The following PRICKLE1 variants were observed in gnomAD, a reference collection of about 807,000 sequenced individuals.
PRICKLE1 encodes prickle-like protein 1.
In PRICKLE1, 14 loss-of-function variants were observed where a neutral mutation model predicts 70.2. The ratio of observed to expected loss-of-function variants is 0.20; its 90% CI spans 0.13 to 0.31. The LOEUF is 0.31. Among genes scored for constraint, PRICKLE1 ranks in the 10% least tolerant of loss-of-function variants. The pLI is 1.00. For synonymous variants in PRICKLE1, 357 were observed against 379.9 expected, an observed-to-expected ratio of 0.94 and a Z score of 0.70; for missense variants, 821 against 1,026.2, an observed-to-expected ratio of 0.80 and a Z score of 2.73.
At chr12:42,554,048 G>A (rs1414547466) in intron 1 of PRICKLE1, among the ~76,000 whole-genome samples, 1 of 152,112 alleles carries the variant, frequency 6.6e-6, no homozygotes, top group East Asian at 1.9e-4. Context: ...AGGTTGCAGT[G>A]GACTGAGATC....
intron 1 of PRICKLE1, among the ~76,000 whole-genome samples, chr12:42,538,571 C>T (rs1199574351): frequency 1.3e-5 from 2 of 152,152 alleles, no homozygotes; most frequent in African/African-American, 4.8e-5. Flanking sequence ...CTCCATGTCC[C>T]GAGCATGGAG....
chr12:42,526,043 T>C (rs1344715587), intron 1 of PRICKLE1, among the ~76,000 whole-genome samples: 2 of 152,204 alleles, frequency 1.3e-5, no homozygotes, highest in Non-Finnish European at 2.9e-5. Context: ...TTTGGAAACA[T>C]GGAGCAGAGT....
chr12:42,519,199 T>TTTTTTC (rs1377752941), intron 1 of PRICKLE1, among the ~76,000 whole-genome samples: 1 of 137,232 alleles, frequency 7.3e-6, no homozygotes, highest in Non-Finnish European at 1.6e-5. Context: ...TTTCCTTTTT[T>TTTTTTC]TTTTTTTTTT....
At chr12:42,483,861 TG>T (rs1250534156) in intron 1 of PRICKLE1, 1 of 151,552 alleles carries the variant, frequency 6.6e-6, no homozygotes, top group African/African-American at 2.4e-5. Flanking sequence ...TCCCCCGGGT[TG>T]GAGTCACCTC....
intron 2 of PRICKLE1, among the ~76,000 whole-genome samples, chr12:42,471,107 A>G (rs1415887169): frequency 4.6e-5 from 7 of 152,170 alleles, no homozygotes; most frequent in Non-Finnish European, 1.0e-4. Flanking sequence ...GTTTTGCTAA[A>G]TGTTGTAAAC....
intron 1 of PRICKLE1, among the ~76,000 whole-genome samples, chr12:42,495,206 AAAAACAAAAC>A (rs71435910): frequency 1.2e-4 from 18 of 149,268 alleles, no homozygotes; most frequent in South Asian, 2.1e-4. Context: ...CCATCTCTAC[AAAAACAAAAC>A]AAAACAAAAC....
intron 1 of PRICKLE1, among the ~76,000 whole-genome samples, chr12:42,510,599 T>G (rs1002727152): frequency 4.6e-5 from 7 of 152,006 alleles, no homozygotes; most frequent in African/African-American, 1.4e-4. Flanking sequence ...TTTTTAAAGG[T>G]TTTTAATTGG....
chr12:42,588,742 A>G (rs976245461), intron 1 of PRICKLE1, among the ~76,000 whole-genome samples: 17 of 152,214 alleles, frequency 1.1e-4, no homozygotes, highest in African/African-American at 3.9e-4. Flanking sequence ...CAATTTTCCC[A>G]AAGTCCCAAG....
rs869233303 is a variant in PRICKLE1 at position 42,527,150 on chromosome 12, T to TGG, written c.-48-54588_-48-54587dup. ...CCTCTTTTTTTTTTTTTTTTTTTTTTGGGACGGAGTCTCACTCTGTAGCCC... is the reference window on the plus strand; with the variant it reads ...CCTCTTTTTTTTTTTTTTTTTTTTTTGGGGGACGGAGTCTCACTCTGTAGCCC... On this transcript the variant is annotated intron_variant, in intron 1 of 7. Transcript: ENST00000345127. Among the ~76,000 whole-genome samples, 658 of 99,160 alleles carry TGG rather than the reference T, an allele frequency of 6.6e-3. 5 individuals are homozygous for TGG. Among genetic ancestry groups the TGG allele is most frequent in the African/African-American group, 0.021 (628 of 30,010 alleles). 65.1% of individuals were successfully genotyped at this position (99,160 alleles called of 152,430 possible). A position where few individuals can be genotyped will look rare whatever the true frequency, so the allele number is the denominator to read the frequency against.
intron 1 of PRICKLE1, among the ~76,000 whole-genome samples, chr12:42,497,260 C>T (rs1002996146): frequency 1.3e-5 from 2 of 151,998 alleles, no homozygotes; most frequent in Admixed American, 6.6e-5. Context: ...AAACATTTAT[C>T]GATGGCCGGG....
chr12:42,561,910 T>C (rs796352004), intron 1 of PRICKLE1, among the ~76,000 whole-genome samples: 47 of 137,850 alleles, frequency 3.4e-4, no homozygotes, highest in South Asian at 1.4e-3. Flanking sequence ...CTTTTCTTTT[T>C]TTTTTTTTTT....
At chr12:42,514,887 CTCTATCTA>C (rs150030888) in intron 1 of PRICKLE1, among the ~76,000 whole-genome samples, 8,444 of 139,690 alleles carry the variant, frequency 0.06, 297 homozygotes, top group East Asian at 0.12. Flanking sequence ...TTAAGGCTCG[CTCTATCTA>C]TCTATCTATC....
At chr12:42,551,454 T>C (rs1940315904) in intron 1 of PRICKLE1, among the ~76,000 whole-genome samples, 1 of 152,142 alleles carries the variant, frequency 6.6e-6, no homozygotes, top group African/African-American at 2.4e-5. Flanking sequence ...TAATACTAAC[T>C]GCAGTTCTGC....
At chr12:42,548,016 T>C in intron 1 of PRICKLE1, among the ~76,000 whole-genome samples, 1 of 152,322 alleles carries the variant, frequency 6.6e-6, no homozygotes, top group Middle Eastern at 3.4e-3. Context: ...TAAATAATTG[T>C]ATGCATGAGA....
chr12:42,557,518 T>A (rs541357571), intron 1 of PRICKLE1, among the ~76,000 whole-genome samples: 23 of 152,088 alleles, frequency 1.5e-4, no homozygotes, highest in Admixed American at 5.2e-4. Context: ...AAATTTGGGG[T>A]GGGGGGAATC....
chr12:42,458,773 G>GA lies in PRICKLE1; in HGVS notation c.*1035dup, dbSNP rs201368761. 6.6e-6 allele frequency: 1 copy of GA among 152,224 alleles called. No homozygotes were observed. The highest frequency in any genetic ancestry group is 6.6e-5 in the Admixed American group (1 of 15,266). 9.4% of individuals were successfully genotyped at this position (152,224 alleles called of 1,614,324 possible). A position where few individuals can be genotyped will look rare whatever the true frequency, so the allele number is the denominator to read the frequency against. On this transcript the variant is annotated 3_prime_UTR_variant, in exon 8 of 8. Transcript: ENST00000345127. ...GAAAGGCACCCCCCGCAGGCAGGGG[G>GA]AAAAAACCCACTCGCTGAAACAGCT...
At chr12:42,486,943 AT>A (rs1939001586) in intron 1 of PRICKLE1, among the ~76,000 whole-genome samples, 1 of 152,218 alleles carries the variant, frequency 6.6e-6, no homozygotes, top group Admixed American at 6.5e-5. Flanking sequence ...CAGATGTAGT[AT>A]TAAATAGGGT....
intron 1 of PRICKLE1, among the ~76,000 whole-genome samples, chr12:42,525,383 C>A (rs1939783456): frequency 6.6e-6 from 1 of 152,146 alleles, no homozygotes; most frequent in South Asian, 2.1e-4. Flanking sequence ...ATTAGTCAAA[C>A]CCAAGGAGAG....
At chr12:42,526,894 T>C (rs891834318) in intron 1 of PRICKLE1, among the ~76,000 whole-genome samples, 3 of 152,044 alleles carry the variant, frequency 2.0e-5, no homozygotes, top group Non-Finnish European at 4.4e-5. Flanking sequence ...AGGGCTTAGA[T>C]TCAAGGGAGA....
Sources: gnomAD v4.1 joint callset for allele counts (sites outside exome capture counted in the v4.1 genomes callset) on GRCh38, gnomAD v4.1.1 for gene constraint, MANE v1.5 for transcripts, NCBI Gene and HGNC (gene_info 2026-07-23, HGNC 2026-07-21) for gene names.